Variants in EPHA6 observed in about 807,000 individuals in gnomAD.
The protein encoded by EPHA6 is EPH receptor A6, also known as ephrin type-A receptor 6.
Under a neutral mutation model 112.0 loss-of-function variants are expected in EPHA6, and 50 were observed. That is an observed-to-expected ratio of 0.45 (90% confidence interval 0.36 to 0.56). The LOEUF (loss-of-function observed/expected upper bound fraction) is 0.56. EPHA6 is among the 20% of genes least tolerant of loss of function. The pLI is 0.00. For synonymous variants in EPHA6, 529 were observed against 490.7 expected (o/e 1.08, Z -1.03); for missense variants, 1,280 against 1,417.4 (o/e 0.90, Z 1.56).
intron 11 of EPHA6, among the ~76,000 whole-genome samples, chr3:97,565,223 TA>T (rs1398613989): frequency 1.3e-5 from 2 of 151,852 alleles, no homozygotes; most frequent in African/African-American, 4.8e-5. Context: ...TCATGATTTA[TA>T]AATCACATGC....
chr3:97,373,685 G>A (rs576023142), intron 5 of EPHA6, among the ~76,000 whole-genome samples: 2 of 152,208 alleles, frequency 1.3e-5, no homozygotes, highest in East Asian at 1.9e-4. Flanking sequence ...ATTTGAAAGA[G>A]AGAGGTGATC....
chr3:96,816,950 AATTT>A (rs1303410591), intron 1 of EPHA6, among the ~76,000 whole-genome samples: 2 of 152,016 alleles, frequency 1.3e-5, no homozygotes, highest in African/African-American at 4.8e-5. Context: ...AAACATATGT[AATTT>A]ATTTATTTTT....
At chr3:97,413,911 T>G (rs1446464947) in intron 6 of EPHA6, among the ~76,000 whole-genome samples, 1 of 151,976 alleles carries the variant, frequency 6.6e-6, no homozygotes, top group Non-Finnish European at 1.5e-5. Context: ...ATAACTGGCC[T>G]TACCAAAGAG....
intron 5 of EPHA6, among the ~76,000 whole-genome samples, chr3:97,349,335 C>A (rs372582550): frequency 3.0e-4 from 46 of 151,946 alleles, no homozygotes; most frequent in African/African-American, 1.1e-3. Flanking sequence ...TTGGGTACAG[C>A]CAACTTCAAA....
At chr3:97,371,878 GT>G (rs1250037271) in intron 5 of EPHA6, among the ~76,000 whole-genome samples, 1 of 152,106 alleles carries the variant, frequency 6.6e-6, no homozygotes, top group African/African-American at 2.4e-5. Flanking sequence ...ATAAGTCCCG[GT>G]CTCCCATAGT....
chr3:97,755,879 C>G lies in EPHA6; in HGVS notation c.*7178C>G, dbSNP rs1040432753. ...CAAAATCATGATAGGGAGAAGAATGCTAATTTGTAAAGATAGGCAAACACT... is the reference window on the plus strand; with the variant it reads ...CAAAATCATGATAGGGAGAAGAATGGTAATTTGTAAAGATAGGCAAACACT... On this transcript the variant is annotated 3_prime_UTR_variant, in exon 18 of 18. Transcript: ENST00000389672. Among the ~76,000 whole-genome samples the G allele has an allele frequency of 6.6e-6, 1 of 151,954 alleles. No homozygotes were observed. Among genetic ancestry groups the G allele is most frequent in the Non-Finnish European group, 1.5e-5 (1 of 67,886 alleles).
At chr3:97,262,704 AT>A (rs1303966622) in intron 5 of EPHA6, among the ~76,000 whole-genome samples, 1 of 151,988 alleles carries the variant, frequency 6.6e-6, no homozygotes, top group African/African-American at 2.4e-5. Flanking sequence ...ACCACTCCTC[AT>A]TTCATTCTCT....
intron 3 of EPHA6, among the ~76,000 whole-genome samples, chr3:97,080,151 A>G (rs1231165984): frequency 2.0e-5 from 3 of 152,114 alleles, no homozygotes; most frequent in Non-Finnish European, 2.9e-5. Flanking sequence ...TTTAAAAGAT[A>G]ATAACAATGT....
intron 16 of EPHA6, among the ~76,000 whole-genome samples, chr3:97,736,468 AGAGTGTGT>A (rs1442974267): frequency 1.4e-3 from 156 of 109,616 alleles, no homozygotes; most frequent in Non-Finnish European, 2.2e-3. Flanking sequence ...AGAGAGAGAG[AGAGTGTGT>A]GTGTGTGTGT....
chr3:97,719,218 G>A (rs1160041636), intron 14 of EPHA6, among the ~76,000 whole-genome samples: 2 of 151,560 alleles, frequency 1.3e-5, no homozygotes, highest in East Asian at 3.9e-4. Context: ...ACCCCTACTT[G>A]CACCAGGCTT....
chr3:97,515,498 G>GA (rs1172811153), intron 10 of EPHA6, among the ~76,000 whole-genome samples: 1 of 152,106 alleles, frequency 6.6e-6, no homozygotes, highest in Non-Finnish European at 1.5e-5. Context: ...GGAAGAAATG[G>GA]AAAATCAATT....
chr3:96,946,715 G>T (rs1465508406), intron 2 of EPHA6, among the ~76,000 whole-genome samples: 1 of 152,158 alleles, frequency 6.6e-6, no homozygotes, highest in Non-Finnish European at 1.5e-5. Context: ...GGGTCAAAGG[G>T]TATTTCTAGT....
At chr3:97,656,801 A>G (rs1013583730) in intron 14 of EPHA6, among the ~76,000 whole-genome samples, 2 of 151,918 alleles carry the variant, frequency 1.3e-5, no homozygotes, top group East Asian at 3.9e-4. Flanking sequence ...TGCATCTATG[A>G]TCCATCAATA....
chr3:96,979,637 C>A (rs980734546), intron 2 of EPHA6, among the ~76,000 whole-genome samples: 2 of 152,170 alleles, frequency 1.3e-5, no homozygotes, highest in Non-Finnish European at 2.9e-5. Context: ...CTGTCTTCCA[C>A]AATGGTTGAA....
intron 5 of EPHA6, among the ~76,000 whole-genome samples, chr3:97,303,221 T>C (rs2081169490): frequency 6.6e-6 from 1 of 151,976 alleles, no homozygotes; most frequent in African/African-American, 2.4e-5. Context: ...CTTAATGCAA[T>C]CTTAATCCAC....
At chr3:96,862,952 A>G (rs2107437753) in intron 1 of EPHA6, among the ~76,000 whole-genome samples, 1 of 152,094 alleles carries the variant, frequency 6.6e-6, no homozygotes, top group East Asian at 1.9e-4. Context: ...AAGAAATATA[A>G]TATGCTGAAA....
At chr3:96,852,989 G>A (rs756786665) in intron 1 of EPHA6, among the ~76,000 whole-genome samples, 14 of 151,958 alleles carry the variant, frequency 9.2e-5, no homozygotes, top group Non-Finnish European at 1.2e-4. Context: ...TACTTACCCC[G>A]TGGTCAGAGT....
intron 10 of EPHA6, among the ~76,000 whole-genome samples, chr3:97,524,670 A>G (rs140288233): frequency 1.1e-3 from 172 of 152,164 alleles, no homozygotes; most frequent in African/African-American, 4.0e-3. Context: ...TCCCATGATG[A>G]TGGATTTCCT....
intron 11 of EPHA6, among the ~76,000 whole-genome samples, chr3:97,547,566 G>A (rs1236609698): frequency 6.6e-6 from 1 of 152,152 alleles, no homozygotes; most frequent in East Asian, 1.9e-4. Flanking sequence ...GCTGCGTGCT[G>A]GGAGAACCAC....
Sources: gnomAD v4.1 joint callset for allele counts (sites outside exome capture counted in the v4.1 genomes callset) on GRCh38, gnomAD v4.1.1 for gene constraint, MANE v1.5 for transcripts, NCBI Gene and HGNC (gene_info 2026-07-23, HGNC 2026-07-21) for gene names.